Variants in XRCC6 observed in about 807,000 individuals in gnomAD.
The protein encoded by XRCC6 is X-ray repair cross complementing 6.
Under a neutral mutation model 65.7 loss-of-function variants are expected in XRCC6, and 5 were observed. The ratio of observed to expected loss-of-function variants is 0.08; its 90% CI spans 0.04 to 0.16. XRCC6 has a LOEUF of 0.16. XRCC6 is among the 10% of genes least tolerant of loss of function. The pLI is 1.00. For missense variants in XRCC6, 447 were observed against 738.1 expected (o/e 0.61, Z 4.57); for synonymous variants, 270 against 270.6 (o/e 1.00, Z 0.02).
chr22:41,627,484 G>A (rs925420811), intron 2 of XRCC6, among the ~76,000 whole-genome samples: 11 of 151,864 alleles, frequency 7.2e-5, no homozygotes, highest in South Asian at 2.1e-4. Context: ...GGTGGCGGGC[G>A]TCTATAATCC....
chr22:41,640,852 A>C (rs2067867961), intron 6 of XRCC6, among the ~76,000 whole-genome samples: 1 of 152,182 alleles, frequency 6.6e-6, no homozygotes, highest in Non-Finnish European at 1.5e-5. Context: ...ATAGTGGGTA[A>C]ATGTAGGCCT....
At chr22:41,629,216 G>C (rs1216928515) in intron 3 of XRCC6, among the ~76,000 whole-genome samples, 1 of 152,080 alleles carries the variant, frequency 6.6e-6, no homozygotes, top group Non-Finnish European at 1.5e-5. Context: ...TTAAATTGAG[G>C]TTGTGTTTCA....
intron 9 of XRCC6, among the ~76,000 whole-genome samples, 180 bp downstream of exon 9, chr22:41,653,870 A>T: frequency 6.6e-6 from 1 of 152,090 alleles, no homozygotes; most frequent in Non-Finnish European, 1.5e-5. Context: ...AAATATGGTG[A>T]TGGGGTGCAC....
intron 10 of XRCC6, among the ~76,000 whole-genome samples, chr22:41,657,708 C>T (rs530467856): frequency 6.3e-4 from 96 of 151,744 alleles, no homozygotes; most frequent in Non-Finnish European, 1.2e-3. Context: ...TTTGTAGGGA[C>T]GGAGTTTCAC....
At chr22:41,653,317 T>C (rs1042294915) in intron 8 of XRCC6, among the ~76,000 whole-genome samples, 3 of 152,086 alleles carry the variant, frequency 2.0e-5, no homozygotes, top group Non-Finnish European at 4.4e-5. Flanking sequence ...AGTGGGAAGA[T>C]TGCTTGAGCT....
At chr22:41,647,843 G>C (rs1243527171) in intron 7 of XRCC6, among the ~76,000 whole-genome samples, 1 of 152,038 alleles carries the variant, frequency 6.6e-6, no homozygotes, top group African/African-American at 2.4e-5. Context: ...AAAGTGCTGG[G>C]ATTATAGGTG....
intron 3 of XRCC6, among the ~76,000 whole-genome samples, chr22:41,629,225 C>T (rs750512063): frequency 1.3e-5 from 2 of 152,094 alleles, no homozygotes; most frequent in African/African-American, 4.8e-5. Flanking sequence ...GGTTGTGTTT[C>T]ATGTAACATA....
At chr22:41,651,650 C>G (rs1414775802) in intron 8 of XRCC6, among the ~76,000 whole-genome samples, 2 of 151,490 alleles carry the variant, frequency 1.3e-5, no homozygotes, top group Non-Finnish European at 2.9e-5. Context: ...TCCTCAGCCT[C>G]TGGAGTAGCT....
intron 3 of XRCC6, among the ~76,000 whole-genome samples, chr22:41,635,082 G>A (rs1342978724): frequency 6.6e-6 from 1 of 152,100 alleles, no homozygotes; most frequent in African/African-American, 2.4e-5. Context: ...AGGACTCCCC[G>A]TGGATTCCAA....
chr22:41,627,967 C>A (rs779562889), intron 2 of XRCC6, 151 bp from the exon 3 acceptor site: 2 of 494,408 alleles, frequency 4.0e-6, no homozygotes, highest in Non-Finnish European at 7.0e-6. Flanking sequence ...TCTGGCAAGA[C>A]TCAATTTCCT....
intron 9 of XRCC6, among the ~76,000 whole-genome samples, chr22:41,656,008 C>A (rs1025103991): frequency 6.6e-6 from 1 of 151,452 alleles, no homozygotes. Flanking sequence ...GCAGGTGGAT[C>A]GCCTGAGCCC....
chr22:41,625,876 T>G (rs760233237), intron 2 of XRCC6, among the ~76,000 whole-genome samples: 5 of 152,234 alleles, frequency 3.3e-5, no homozygotes, highest in Non-Finnish European at 7.3e-5. Flanking sequence ...ATGGAATCTC[T>G]GTCGCCAGGC....
intron 3 of XRCC6, among the ~76,000 whole-genome samples, chr22:41,630,487 T>G (rs948507181): frequency 5.1e-4 from 37 of 73,254 alleles, no homozygotes; most frequent in African/African-American, 1.7e-3. Flanking sequence ...AGATTAGTGT[T>G]TCTTTTTTTT....
At chr22:41,622,644 TTAAAAA>T (rs1255296056) in intron 2 of XRCC6, among the ~76,000 whole-genome samples, 1 of 152,086 alleles carries the variant, frequency 6.6e-6, no homozygotes, top group Non-Finnish European at 1.5e-5. Flanking sequence ...AATATTTTTA[TTAAAAA>T]TGAGAAACGG....
At chr22:41,630,932 C>A (rs1471949119) in intron 3 of XRCC6, among the ~76,000 whole-genome samples, 2 of 152,250 alleles carry the variant, frequency 1.3e-5, no homozygotes, top group Non-Finnish European at 2.9e-5. Context: ...TTCTATTCCA[C>A]AAAACCACCA....
chr22:41,648,754 A>G (rs1304425961), intron 7 of XRCC6, among the ~76,000 whole-genome samples: 1 of 152,162 alleles, frequency 6.6e-6, no homozygotes, highest in Non-Finnish European at 1.5e-5. Context: ...CTACTCTTTG[A>G]AGGAGAAAAA....
At chr22:41,637,830 T>G in intron 6 of XRCC6, 39 bp downstream of exon 6, 1 of 1,591,902 alleles carries the variant, frequency 6.3e-7, no homozygotes. Context: ...ACACTGCCCT[T>G]AAATCAGAAG....
At chr22:41,663,101 A>C (rs56325712) in intron 12 of XRCC6, among the ~76,000 whole-genome samples, 1,921 of 152,208 alleles carry the variant, frequency 0.013, 35 homozygotes, top group African/African-American at 0.043. Context: ...CAGAAGTTAT[A>C]TCCTTTTTTT....
At chr22:41,656,782 A>G in intron 9 of XRCC6, 121 bp from the exon 10 acceptor site, 7 of 1,285,972 alleles carry the variant, frequency 5.4e-6, no homozygotes, top group South Asian at 1.4e-5. Context: ...AGTTCAAGAA[A>G]TGGGGCCTAC....
Sources: gnomAD v4.1 joint callset for allele counts (sites outside exome capture counted in the v4.1 genomes callset) on GRCh38, gnomAD v4.1.1 for gene constraint, MANE v1.5 for transcripts, NCBI Gene and HGNC (gene_info 2026-07-23, HGNC 2026-07-21) for gene names.